The following ELAVL4 variants were observed in gnomAD, a reference collection of about 807,000 sequenced individuals.
ELAVL4 encodes the protein ELAV-like protein 4.
A neutral mutation model predicts 35.6 loss-of-function variants in ELAVL4; 1 was observed. The observed-to-expected ratio is 0.03, with a 90% confidence interval of 0.01 to 0.13. The LOEUF (loss-of-function observed/expected upper bound fraction) is 0.13. Ranked by LOEUF, ELAVL4 falls within the 10% of genes least tolerant of loss-of-function variation. ELAVL4 has a pLI of 1.00. For missense variants in ELAVL4, 267 were observed against 464.9 expected, an observed-to-expected ratio of 0.57 and a Z score of 3.91; for synonymous variants, 156 against 171.0, an observed-to-expected ratio of 0.91 and a Z score of 0.69.
At chr1:50,192,519 G>GCACGCACACA (rs1553190643) in intron 3 of ELAVL4, among the ~76,000 whole-genome samples, 2 of 140,446 alleles carry the variant, frequency 1.4e-5, no homozygotes, top group African/African-American at 2.6e-5. Flanking sequence ...TTGTGTGCAC[G>GCACGCACACA]CACACACACA....
intron 4 of ELAVL4, among the ~76,000 whole-genome samples, chr1:50,195,046 G>A (rs887226880): frequency 2.7e-5 from 3 of 111,330 alleles, no homozygotes; most frequent in Non-Finnish European, 5.9e-5. Context: ...AGCCATGGAA[G>A]GGTATTTTGT....
Position 50,109,015 on chromosome 1 carries a change from T to TCGGGGGGGGGGGC in ELAVL4, c.-174_-173insGGGGGGGGGGGCC. ...GCTCCTTTTCTTTTTTTTCTTTCTCTCCCCCGCCCACCCCCCCAAAAATAA... is the reference window on the plus strand; with the variant it reads ...GCTCCTTTTCTTTTTTTTCTTTCTCTCGGGGGGGGGGGCCCCCCGCCCACCCCCCCAAAAATAA... On this transcript the variant is annotated 5_prime_UTR_variant, in exon 1 of 7. Coordinates refer to ENST00000371824, the MANE Select transcript of ELAVL4 (RefSeq NM_001144774.3). 7.3e-6 allele frequency: 7 copies of TCGGGGGGGGGGGC among 960,996 alleles called. No individual in the cohort carries two copies. Among genetic ancestry groups the TCGGGGGGGGGGGC allele is most frequent in the Non-Finnish European group, 8.6e-6 (7 of 816,882 alleles). The allele number at this position is 960,996 out of a possible 1,614,324, so 59.5% of individuals were successfully genotyped here.
intron 1 of ELAVL4, among the ~76,000 whole-genome samples, chr1:50,138,419 T>A (rs1672256573): frequency 6.6e-6 from 1 of 151,896 alleles, no homozygotes; most frequent in African/African-American, 2.4e-5. Flanking sequence ...CATTCAATAG[T>A]AGACTCATGC....
intron 1 of ELAVL4, among the ~76,000 whole-genome samples, chr1:50,084,523 G>A (rs1025997995): frequency 1.3e-5 from 2 of 152,050 alleles, no homozygotes; most frequent in Admixed American, 1.3e-4. Flanking sequence ...TCACATAATG[G>A]TATAAGCATT....
At chr1:50,193,417 T>C (rs1240009666) in intron 3 of ELAVL4, among the ~76,000 whole-genome samples, 3 of 151,604 alleles carry the variant, frequency 2.0e-5, no homozygotes, top group Non-Finnish European at 4.4e-5. Flanking sequence ...TTGGATACAG[T>C]AAATCATCTA....
rs573778996 is a variant in ELAVL4 at position 50,164,207 on chromosome 1, G to C, written c.251-12882G>C. ...TAAACTGAAACCCACTATGAGCATT[G>C]AGTCTAAAATAAATATAATTTAGAA... On this transcript the variant is annotated intron_variant, in intron 2 of 6. Coordinates refer to ENST00000371824, the MANE Select transcript of ELAVL4 (RefSeq NM_001144774.3). Among the ~76,000 whole-genome samples the C allele has an allele frequency of 9.2e-5, 14 of 152,204 alleles. No individual in the cohort carries two copies. In the East Asian group the frequency reaches 2.7e-3, roughly 29 times the overall value.
At chr1:50,193,182 C>T (rs752427702) in intron 3 of ELAVL4, among the ~76,000 whole-genome samples, 1 of 152,112 alleles carries the variant, frequency 6.6e-6, no homozygotes, top group Non-Finnish European at 1.5e-5. Flanking sequence ...TCATTCAGCC[C>T]TATTTCACCA....
intron 1 of ELAVL4, among the ~76,000 whole-genome samples, chr1:50,133,586 GAAAGAAAGAAAGAAA>G: frequency 9.5e-6 from 1 of 105,170 alleles, no homozygotes; most frequent in South Asian, 3.1e-4. Context: ...GAGAGAGAAA[GAAAGAAAGAAAGAAA>G]AGAAAGAAAG....
chr1:50,048,374 GA>G (rs952044167), intron 1 of ELAVL4, among the ~76,000 whole-genome samples: 10 of 152,138 alleles, frequency 6.6e-5, no homozygotes, highest in African/African-American at 2.2e-4. Flanking sequence ...GGCTCCTGGC[GA>G]CCCCACCCGC....
chr1:50,049,921 T>C lies in ELAVL4; in HGVS notation c.18+1739T>C, dbSNP rs577622871. Among the ~76,000 whole-genome samples, 20 of 152,354 alleles carry C rather than the reference T, an allele frequency of 1.3e-4. No individual in the cohort carries two copies. In the South Asian group the frequency reaches 4.1e-3, roughly 32 times the overall value. Reference sequence around the variant, plus strand: ...TAAGGTACTTGGGTGTGGGTTGTAATAGAGGTGGAGTTGTGAGTTAGAGCT... The same window carrying C: ...TAAGGTACTTGGGTGTGGGTTGTAACAGAGGTGGAGTTGTGAGTTAGAGCT... On this transcript the variant is annotated intron_variant, in intron 1 of 6. Transcript: ENST00000448907.
chr1:50,058,505 G>A (rs528439233), intron 1 of ELAVL4, among the ~76,000 whole-genome samples: 2 of 151,760 alleles, frequency 1.3e-5, no homozygotes, highest in Admixed American at 1.3e-4. Flanking sequence ...GTTATAAAGG[G>A]AGCATGAAAA....
upstream of ELAVL4, among the ~76,000 whole-genome samples, chr1:50,105,036 A>G (rs1666195847): frequency 6.6e-6 from 1 of 152,180 alleles, no homozygotes; most frequent in Non-Finnish European, 1.5e-5. Flanking sequence ...GTTTATCACT[A>G]TTCATATAAT....
At chr1:50,138,072 G>T (rs150225211) in intron 1 of ELAVL4, among the ~76,000 whole-genome samples, 1 of 152,202 alleles carries the variant, frequency 6.6e-6, no homozygotes, top group Non-Finnish European at 1.5e-5. Flanking sequence ...TGGAGGGGCC[G>T]AGTGAAGATG....
intron 2 of ELAVL4, among the ~76,000 whole-genome samples, chr1:50,151,036 G>A (rs958141265): frequency 1.3e-5 from 2 of 152,128 alleles, no homozygotes; most frequent in East Asian, 1.9e-4. Flanking sequence ...ATCAGTAGAC[G>A]GAGTCTCACA....
chr1:50,155,977 A>G (rs1248933346), intron 2 of ELAVL4, among the ~76,000 whole-genome samples: 1 of 152,122 alleles, frequency 6.6e-6, no homozygotes, highest in Admixed American at 6.5e-5. Flanking sequence ...ACACCCCAGC[A>G]CACACACACA....
intron 5 of ELAVL4, 137 bp from the exon 6 acceptor site, chr1:50,197,292 G>A (rs540850412): frequency 2.5e-5 from 18 of 714,760 alleles, no homozygotes; most frequent in African/African-American, 7.3e-5. Context: ...GGAAACTACC[G>A]GTGGATAGAC....
At chr1:50,196,238 G>A (rs545903343) in intron 5 of ELAVL4, among the ~76,000 whole-genome samples, 1 of 152,174 alleles carries the variant, frequency 6.6e-6, no homozygotes, top group South Asian at 2.1e-4. Context: ...GTTGAGTTCA[G>A]GGGAGGGGGA....
intron 3 of ELAVL4, chr1:50,181,220 G>A (rs1680970217): frequency 6.6e-6 from 1 of 152,250 alleles, no homozygotes; most frequent in African/African-American, 2.4e-5. Context: ...CTGTGAGGGT[G>A]TGTGGGTGTG....
chr1:50,124,460 C>A (rs1025101700), intron 1 of ELAVL4, among the ~76,000 whole-genome samples: 1 of 152,158 alleles, frequency 6.6e-6, no homozygotes, highest in African/African-American at 2.4e-5. Context: ...AAGAGGACAA[C>A]GTAGTTTAAG....
Sources: gnomAD v4.1 joint callset for allele counts (sites outside exome capture counted in the v4.1 genomes callset) on GRCh38, gnomAD v4.1.1 for gene constraint, MANE v1.5 for transcripts, NCBI Gene and HGNC (gene_info 2026-07-23, HGNC 2026-07-21) for gene names.